The following PLA2G4E variants were observed in gnomAD, a reference collection of about 807,000 sequenced individuals.
PLA2G4E encodes the protein phospholipase A2 group IVE.
A neutral mutation model predicts 109.1 loss-of-function variants in PLA2G4E; 84 were observed. That is an observed-to-expected ratio of 0.77 (90% CI 0.65 to 0.92). PLA2G4E has a LOEUF of 0.92. Among genes scored for constraint, PLA2G4E ranks in the 40% least tolerant of loss-of-function variants. The pLI is 0.00. For missense variants in PLA2G4E, 1,057 were observed against 1,076.6 expected, an observed-to-expected ratio of 0.98 and a Z score of 0.25; for synonymous variants, 469 against 436.1, an observed-to-expected ratio of 1.08 and a Z score of -0.94.
intron 2 of PLA2G4E, among the ~76,000 whole-genome samples, chr15:42,012,173 A>G (rs901278470): frequency 3.3e-5 from 5 of 152,026 alleles, no homozygotes; most frequent in Non-Finnish European, 5.9e-5. Flanking sequence ...ATTCACACTC[A>G]GCCCTGCATT....
chr15:42,026,387 C>A (rs888944435), intron 1 of PLA2G4E, among the ~76,000 whole-genome samples: 2 of 152,150 alleles, frequency 1.3e-5, no homozygotes, highest in African/African-American at 4.8e-5. Context: ...AAACAGCATT[C>A]CCATTTCATA....
chr15:42,028,380 TTTAC>T (rs1406099416), intron 1 of PLA2G4E, among the ~76,000 whole-genome samples: 21 of 110,892 alleles, frequency 1.9e-4, no homozygotes, highest in East Asian at 1.2e-3. Context: ...TATTTATTTA[TTTAC>T]TTATTTATTT....
intron 1 of PLA2G4E, among the ~76,000 whole-genome samples, chr15:42,042,305 T>C (rs1889328948): frequency 6.6e-6 from 1 of 152,206 alleles, no homozygotes; most frequent in Non-Finnish European, 1.5e-5. Flanking sequence ...TATATGTGCC[T>C]ATAAAAAAGA....
intron 2 of PLA2G4E, among the ~76,000 whole-genome samples, chr15:42,012,738 T>C (rs2068549414): frequency 6.6e-6 from 1 of 152,200 alleles, no homozygotes; most frequent in Non-Finnish European, 1.5e-5. Flanking sequence ...CATAGATAGC[T>C]CCTCTTGTTA....
intron 1 of PLA2G4E, among the ~76,000 whole-genome samples, chr15:42,035,344 C>G (rs1277523520): frequency 1.4e-4 from 21 of 152,238 alleles, no homozygotes. Flanking sequence ...TCTCCCCATC[C>G]TGGGAGGAGC....
At chr15:42,048,293 C>T (rs183548601) in intron 1 of PLA2G4E, among the ~76,000 whole-genome samples, 3 of 152,240 alleles carry the variant, frequency 2.0e-5, no homozygotes, top group African/African-American at 7.2e-5. Flanking sequence ...GTGATGTTTG[C>T]AAAATGATGA....
At position 41,990,110 on chromosome 15, in the gene PLA2G4E, A is replaced by T. The variant is rs2068217837; in HGVS notation, c.1585+11T>A. The T allele has an allele frequency of 6.2e-7, 1 of 1,605,092 alleles. No individual in the cohort carries two copies. Reference sequence around the variant, plus strand: ...CCACCCCACTTGTAAATCACCAGCCACTGGTGTTACCTCTGAAGTCCTGGT... The same window carrying T: ...CCACCCCACTTGTAAATCACCAGCCTCTGGTGTTACCTCTGAAGTCCTGGT... On this transcript the variant is annotated intron_variant, in intron 14 of 19. Coordinates refer to ENST00000399518, the Ensembl canonical transcript of PLA2G4E.
chr15:42,012,004 T>G lies in PLA2G4E; in HGVS notation c.256+1681A>C, dbSNP rs149238074. 2.9e-4 allele frequency among the ~76,000 whole-genome samples: 44 copies of G among 152,292 alleles called. No homozygotes were observed. In the East Asian group the frequency reaches 7.5e-3, roughly 26 times the overall value. ...GCTTGAGGAAAAGTCCCTGGCCCTTTGGTTGGCCACTTGGCAGACACAGAC... is the reference window on the plus strand; with the variant it reads ...GCTTGAGGAAAAGTCCCTGGCCCTTGGGTTGGCCACTTGGCAGACACAGAC... On this transcript the variant is annotated intron_variant, in intron 2 of 19. Coordinates refer to ENST00000399518, the Ensembl canonical transcript of PLA2G4E.
intron 11 of PLA2G4E, among the ~76,000 whole-genome samples, chr15:41,996,475 A>C (rs1164570059): frequency 6.6e-6 from 1 of 151,886 alleles, no homozygotes; most frequent in Non-Finnish European, 1.5e-5. Context: ...CGCTATTACA[A>C]GTCCTCCTCG....
chr15:41,987,738 C>T (rs568567315), intron 16 of PLA2G4E, among the ~76,000 whole-genome samples: 40 of 152,268 alleles, frequency 2.6e-4, no homozygotes, highest in Middle Eastern at 6.8e-3. Context: ...CTACAGTCAC[C>T]CTCCCCTCCA....
At chr15:41,987,495 C>T (rs532017928) in intron 16 of PLA2G4E, 120 bp from the exon 17 acceptor site, 7 of 889,372 alleles carry the variant, frequency 7.9e-6, no homozygotes, top group African/African-American at 1.7e-5. Context: ...CAGCTCATAC[C>T]TTCCTTGCTG....
chr15:41,983,905 G>T (rs1300048219), exon 20 of PLA2G4E: 3 of 1,613,342 alleles, frequency 1.9e-6, no homozygotes, highest in Non-Finnish European at 2.5e-6. Context: ...CTCCTTGGTG[G>T]CATAGGGAGT....
At chr15:42,049,106 G>A (rs2840153) in intron 1 of PLA2G4E, among the ~76,000 whole-genome samples, 67,304 of 152,062 alleles carry the variant, frequency 0.44, 16,353 homozygotes, top group Admixed American at 0.57. Flanking sequence ...AGAGGAAGGG[G>A]AGAAGCACCT....
chr15:41,988,054 T>A (rs1418839889), exon 16 of PLA2G4E: 1 of 1,599,016 alleles, frequency 6.3e-7, no homozygotes, highest in East Asian at 2.3e-5. Context: ...CCCACCGATG[T>A]CCTGCACTTT....
intron 1 of PLA2G4E, among the ~76,000 whole-genome samples, chr15:42,036,883 C>T (rs1889226802): frequency 6.6e-6 from 1 of 152,212 alleles, no homozygotes; most frequent in Non-Finnish European, 1.5e-5. Flanking sequence ...CCCGGCCTTG[C>T]AGGCTTGGAA....
chr15:42,029,788 A>G (rs1400236124), intron 1 of PLA2G4E, among the ~76,000 whole-genome samples: 1 of 152,236 alleles, frequency 6.6e-6, no homozygotes, highest in Non-Finnish European at 1.5e-5. Flanking sequence ...AAATGAGGTA[A>G]AGGACTTAGC....
chr15:41,991,050 G>T (rs1488782503), intron 13 of PLA2G4E, among the ~76,000 whole-genome samples: 1 of 152,120 alleles, frequency 6.6e-6, no homozygotes, highest in African/African-American at 2.4e-5. Flanking sequence ...TCCTTTGAAA[G>T]AAAACAGGGT....
chr15:42,043,530 G>C (rs896317430), intron 1 of PLA2G4E, among the ~76,000 whole-genome samples: 1 of 137,262 alleles, frequency 7.3e-6, no homozygotes, highest in Non-Finnish European at 1.5e-5. Context: ...CCTCACAAAT[G>C]GTAGGTATTT....
chr15:41,989,447 CTCT>C, exon 15 of PLA2G4E: 1 of 1,614,024 alleles, frequency 6.2e-7, no homozygotes, highest in South Asian at 1.1e-5. Flanking sequence ...CTCCGGGATC[CTCT>C]TCACCAGCCG....
Sources: allele counts gnomAD v4.1 joint callset (sites outside exome capture counted in the v4.1 genomes callset), GRCh38; gene constraint gnomAD v4.1.1; transcripts MANE v1.5; gene names NCBI Gene and HGNC (gene_info 2026-07-23, HGNC 2026-07-21).